AIG1: variants seen among roughly 807,000 people sequenced by gnomAD.
The protein encoded by AIG1 is androgen induced 1, also known as androgen-induced gene 1 protein.
Under a neutral mutation model 31.4 loss-of-function variants are expected in AIG1, and 23 were observed. The ratio of observed to expected loss-of-function variants is 0.73; its 90% confidence interval spans 0.53 to 1.04. AIG1 has a LOEUF of 1.04. AIG1 is among the 50% of genes least tolerant of loss of function. The pLI is 0.00. For synonymous variants in AIG1, 100 were observed against 110.5 expected, an observed-to-expected ratio of 0.90 and a Z score of 0.60; for missense variants, 274 against 295.0, an observed-to-expected ratio of 0.93 and a Z score of 0.52.
chr6:143,142,262 A>G (rs1784303708), intron 2 of AIG1, among the ~76,000 whole-genome samples: 2 of 152,052 alleles, frequency 1.3e-5, no homozygotes, highest in South Asian at 4.1e-4. Flanking sequence ...TTTTGGAGAC[A>G]GGGGTCCCAC....
intron 3 of AIG1, chr6:143,188,081 A>G: frequency 9.5e-7 from 1 of 1,048,792 alleles, no homozygotes; most frequent in Non-Finnish European, 1.2e-6. Context: ...CTCAAAGGGT[A>G]CAGTGATAAA....
intron 1 of AIG1, among the ~76,000 whole-genome samples, chr6:143,081,571 CAG>C (rs1389702669): frequency 1.3e-5 from 2 of 151,450 alleles, no homozygotes; most frequent in African/African-American, 4.9e-5. Flanking sequence ...GGCAATAAGG[CAG>C]GGGATTATTT....
chr6:143,181,370 A>G (rs1273385207), intron 3 of AIG1, among the ~76,000 whole-genome samples: 2 of 152,214 alleles, frequency 1.3e-5, no homozygotes, highest in African/African-American at 4.8e-5. Context: ...ATCAACAATG[A>G]GTCAGATGCT....
chr6:143,068,901 A>G (rs1469526883), intron 1 of AIG1, among the ~76,000 whole-genome samples: 1 of 152,192 alleles, frequency 6.6e-6, no homozygotes, highest in Non-Finnish European at 1.5e-5. Context: ...TGATGTTAGT[A>G]TTTTGATATT....
At chr6:143,209,160 T>G (rs1791384827) in intron 3 of AIG1, among the ~76,000 whole-genome samples, 1 of 152,248 alleles carries the variant, frequency 6.6e-6, no homozygotes, top group South Asian at 2.1e-4. Flanking sequence ...CTTGCTCTGA[T>G]CCTTTAACAA....
chr6:143,287,571 C>T (rs1212889401), intron 4 of AIG1, among the ~76,000 whole-genome samples: 1 of 151,936 alleles, frequency 6.6e-6, no homozygotes, highest in Non-Finnish European at 1.5e-5. Flanking sequence ...AGAAGAAATA[C>T]ATAAGAACCA....
rs57103750 is a variant in AIG1 at position 143,293,840 on chromosome 6, A to G, written c.515+9615A>G. On this transcript the variant is annotated intron_variant, in intron 4 of 5. Coordinates refer to ENST00000357847, the MANE Select transcript of AIG1 (RefSeq NM_016108.4). The surrounding 1 kb of genome is among the most constrained non-coding windows in gnomAD (Gnocchi z 4.8). ...CTTCTTTTCCCCATAGTCTGCCCAA[A>G]TCACCAGTGTGATGCTGCTTGTGCT... Among the ~76,000 whole-genome samples the G allele has an allele frequency of 9.1e-3, 1,386 of 152,066 alleles. 16 individuals carry two copies. Among genetic ancestry groups the G allele is most frequent in the African/African-American group, 0.032 (1,334 of 41,448 alleles).
chr6:143,133,928 T>TA (rs1366635249), intron 1 of AIG1, among the ~76,000 whole-genome samples: 1 of 152,072 alleles, frequency 6.6e-6, no homozygotes, highest in Non-Finnish European at 1.5e-5. Flanking sequence ...CCTCTGCCTA[T>TA]AAACAAAAAT....
chr6:143,275,269 A>G (rs1238900543), intron 3 of AIG1, among the ~76,000 whole-genome samples: 2 of 152,210 alleles, frequency 1.3e-5, no homozygotes, highest in African/African-American at 4.8e-5. Context: ...AAAAGCCAGC[A>G]GGATAGGAAC....
chr6:143,083,664 G>C (rs1274651300), intron 1 of AIG1, among the ~76,000 whole-genome samples: 4 of 152,156 alleles, frequency 2.6e-5, no homozygotes, highest in Admixed American at 2.6e-4. Flanking sequence ...GGTTTTACTA[G>C]GCCTTGGGCT....
chr6:143,094,013 G>C (rs964544719), intron 1 of AIG1: 2 of 152,204 alleles, frequency 1.3e-5, no homozygotes, highest in African/African-American at 2.4e-5. Flanking sequence ...AAATGGGACA[G>C]AGAGACAGGA....
chr6:143,317,969 T>G (rs1016163201), intron 4 of AIG1, among the ~76,000 whole-genome samples: 2 of 151,904 alleles, frequency 1.3e-5, no homozygotes, highest in Admixed American at 6.6e-5. Flanking sequence ...CAAGGAAAAC[T>G]CCAAAACACT....
At chr6:143,134,600 G>A (rs1280727132) in intron 1 of AIG1, among the ~76,000 whole-genome samples, 2 of 151,832 alleles carry the variant, frequency 1.3e-5, no homozygotes, top group East Asian at 3.8e-4. Flanking sequence ...AGTTTCTGCA[G>A]GAAATGCCCT....
chr6:143,093,645 T>C (rs1779505570), intron 1 of AIG1, among the ~76,000 whole-genome samples: 1 of 152,238 alleles, frequency 6.6e-6, no homozygotes, highest in Admixed American at 6.5e-5. Flanking sequence ...CTGACATGTC[T>C]GGTTTCCTCA....
chr6:143,091,437 T>A (rs1422933505), intron 1 of AIG1, among the ~76,000 whole-genome samples: 1 of 152,258 alleles, frequency 6.6e-6, no homozygotes, highest in Non-Finnish European at 1.5e-5. Flanking sequence ...AACTGCAGAT[T>A]ATAATGAGCT....
chr6:143,170,262 T>A (rs9496533), intron 3 of AIG1, among the ~76,000 whole-genome samples: 48,763 of 151,752 alleles, frequency 0.32, 7,928 homozygotes, highest in Admixed American at 0.38. Context: ...TTCAATCTCA[T>A]TGCTTGTTAT....
intron 1 of AIG1, among the ~76,000 whole-genome samples, chr6:143,084,676 A>G (rs1222182073): frequency 6.6e-6 from 1 of 152,190 alleles, no homozygotes; most frequent in African/African-American, 2.4e-5. Context: ...GTCGGGTGAC[A>G]GGGAGGTTTG....
chr6:143,228,784 C>T (rs9376731), intron 3 of AIG1, among the ~76,000 whole-genome samples: 14,368 of 152,300 alleles, frequency 0.094, 741 homozygotes, highest in South Asian at 0.17. Flanking sequence ...CCTTCATCTG[C>T]TCCTTTGTGT....
Position 143,143,528 on chromosome 6 carries a change from AATATATATAT to A in AIG1, c.297+6556_297+6565del, listed in dbSNP as rs1245695724. On this transcript the variant is annotated intron_variant, in intron 2 of 5. Coordinates refer to ENST00000357847, the MANE Select transcript of AIG1 (RefSeq NM_016108.4). ...AAAAAAAAAAAAAAAAAAAAAAAAA[AATATATATAT>A]ATATATATATATATATACACACACA... is the stretch of plus-strand genomic sequence containing the variant. Among the ~76,000 whole-genome samples, 188 of 27,788 alleles carry A rather than the reference AATATATATAT, an allele frequency of 6.8e-3. 2 individuals are homozygous for A. The highest frequency in any genetic ancestry group is 0.018 in the African/African-American group (183 of 10,426). The allele number at this position is 27,788 out of a possible 152,430, so 18.2% of individuals were successfully genotyped here.
Sources: allele counts gnomAD v4.1 joint callset (sites outside exome capture counted in the v4.1 genomes callset), GRCh38; gene constraint gnomAD v4.1.1; non-coding constraint Gnocchi (gnomAD v3.1); transcripts MANE v1.5; gene names NCBI Gene and HGNC (gene_info 2026-07-23, HGNC 2026-07-21).